The following NUBPL variants were observed in gnomAD, a reference collection of about 807,000 sequenced individuals.
The protein encoded by NUBPL is iron-sulfur cluster transfer protein NUBPL.
Under a neutral mutation model 45.7 loss-of-function variants are expected in NUBPL, and 31 were observed. The observed-to-expected ratio is 0.68, with a 90% CI of 0.51 to 0.92. The LOEUF is 0.92. NUBPL is among the 40% of genes least tolerant of loss of function. NUBPL has a pLI of 0.00. For missense variants in NUBPL, 401 were observed against 398.7 expected, an observed-to-expected ratio of 1.01 and a Z score of -0.05; for synonymous variants, 144 against 140.9, an observed-to-expected ratio of 1.02 and a Z score of -0.15.
chr14:31,656,834 G>C (rs779545397), intron 4 of NUBPL, among the ~76,000 whole-genome samples: 6 of 152,202 alleles, frequency 3.9e-5, no homozygotes, highest in Non-Finnish European at 7.3e-5. Flanking sequence ...CAATAGACTT[G>C]CTCAATGTAG....
chr14:31,849,667 GCT>G, intron 9 of NUBPL, among the ~76,000 whole-genome samples: 1 of 152,264 alleles, frequency 6.6e-6, no homozygotes, highest in South Asian at 2.1e-4. Flanking sequence ...AGTTCTTTGA[GCT>G]CACTCCATTT....
chr14:31,750,261 G>A (rs1182033303), intron 6 of NUBPL, among the ~76,000 whole-genome samples: 6 of 149,836 alleles, frequency 4.0e-5, no homozygotes, highest in South Asian at 2.1e-4. Flanking sequence ...TGCAAGCTCC[G>A]CCTCCCGGGT....
intron 6 of NUBPL, among the ~76,000 whole-genome samples, chr14:31,778,311 AAAAC>A (rs1046918164): frequency 7.2e-5 from 11 of 152,144 alleles, no homozygotes; most frequent in South Asian, 4.1e-4. Flanking sequence ...TGAACAGACA[AAAAC>A]AAACAAACAA....
intron 7 of NUBPL, among the ~76,000 whole-genome samples, chr14:31,798,558 C>T (rs982846421): frequency 5.3e-5 from 8 of 151,116 alleles, no homozygotes; most frequent in South Asian, 2.1e-4. Flanking sequence ...TTTGAGAGGC[C>T]GAGGCGGGTG....
chr14:31,648,542 T>TA (rs1208303222), intron 4 of NUBPL, among the ~76,000 whole-genome samples: 3 of 152,230 alleles, frequency 2.0e-5, no homozygotes, highest in African/African-American at 7.2e-5. Context: ...GTCGTGGTGA[T>TA]ATTACATGTG....
At chr14:31,578,806 T>C (rs2033786981) in intron 3 of NUBPL, among the ~76,000 whole-genome samples, 2 of 152,218 alleles carry the variant, frequency 1.3e-5, no homozygotes, top group African/African-American at 4.8e-5. Flanking sequence ...GGCAGCTTGT[T>C]GTAATTCAGT....
chr14:31,763,428 C>T (rs1401161198), intron 6 of NUBPL, among the ~76,000 whole-genome samples: 1 of 151,942 alleles, frequency 6.6e-6, no homozygotes, highest in Non-Finnish European at 1.5e-5. Flanking sequence ...TGGTTTGTGC[C>T]CAAGTTTTAG....
chr14:31,607,807 A>G (rs1006053991), intron 4 of NUBPL, among the ~76,000 whole-genome samples: 8 of 152,220 alleles, frequency 5.3e-5, no homozygotes, highest in Non-Finnish European at 1.0e-4. Context: ...AGAAAGAGCT[A>G]GAGGTAGAAA....
At chr14:31,806,499 A>G (rs2039689287) in intron 7 of NUBPL, among the ~76,000 whole-genome samples, 1 of 152,222 alleles carries the variant, frequency 6.6e-6, no homozygotes, top group Admixed American at 6.5e-5. Flanking sequence ...GTAGAGCCAT[A>G]TGTGTACAAG....
At chr14:31,801,978 G>A (rs2039599537) in intron 7 of NUBPL, among the ~76,000 whole-genome samples, 1 of 152,182 alleles carries the variant, frequency 6.6e-6, no homozygotes, top group Non-Finnish European at 1.5e-5. Flanking sequence ...CTAACAGTTT[G>A]GTGTGATACC....
chr14:31,726,206 C>A (rs2037920826), intron 6 of NUBPL, among the ~76,000 whole-genome samples: 1 of 152,098 alleles, frequency 6.6e-6, no homozygotes, highest in Non-Finnish European at 1.5e-5. Context: ...ATTTGTACTC[C>A]TTTCCTTCCA....
At chr14:31,650,535 C>G (rs2035974028) in intron 4 of NUBPL, among the ~76,000 whole-genome samples, 1 of 152,154 alleles carries the variant, frequency 6.6e-6, no homozygotes, top group African/African-American at 2.4e-5. Context: ...ATGATCCACC[C>G]ATGTCGGCCT....
intron 3 of NUBPL, among the ~76,000 whole-genome samples, chr14:31,591,011 G>C (rs2139525409): frequency 6.6e-6 from 1 of 151,320 alleles, no homozygotes; most frequent in South Asian, 2.1e-4. Context: ...TCTTGTTAAA[G>C]AAGAAGTTGC....
At chr14:31,781,204 A>G (rs2039185999) in intron 6 of NUBPL, among the ~76,000 whole-genome samples, 1 of 152,244 alleles carries the variant, frequency 6.6e-6, no homozygotes, top group South Asian at 2.1e-4. Context: ...GTGACAATCA[A>G]AAGACTTCAA....
At chr14:31,707,050 G>C (rs1459222922) in intron 6 of NUBPL, among the ~76,000 whole-genome samples, 1 of 152,194 alleles carries the variant, frequency 6.6e-6, no homozygotes, top group African/African-American at 2.4e-5. Context: ...TTTTCTCTTA[G>C]TGAATACCCA....
intron 6 of NUBPL, among the ~76,000 whole-genome samples, chr14:31,751,417 A>AT (rs2038526564): frequency 6.6e-6 from 1 of 152,274 alleles, no homozygotes; most frequent in Admixed American, 6.5e-5. Flanking sequence ...TCTGTTTGAA[A>AT]TGGGAGAAAT....
At chr14:31,775,784 GA>G (rs1566555957) in intron 6 of NUBPL, among the ~76,000 whole-genome samples, 1 of 152,150 alleles carries the variant, frequency 6.6e-6, no homozygotes, top group African/African-American at 2.4e-5. Context: ...CTACCCTGCT[GA>G]AATCCTTTGA....
intron 8 of NUBPL, among the ~76,000 whole-genome samples, chr14:31,840,208 A>T (rs552776212): frequency 6.6e-5 from 10 of 152,286 alleles, no homozygotes; most frequent in African/African-American, 2.2e-4. Context: ...CAACCAACAG[A>T]TGAATGGATT....
chr14:31,785,139 A>G (rs1020087866), intron 6 of NUBPL, among the ~76,000 whole-genome samples: 11 of 152,198 alleles, frequency 7.2e-5, no homozygotes, highest in African/African-American at 2.4e-4. Context: ...AGAGATTCAA[A>G]TAAATTCTTT....
Sources: gnomAD v4.1 joint callset for allele counts (sites outside exome capture counted in the v4.1 genomes callset) on GRCh38, gnomAD v4.1.1 for gene constraint, MANE v1.5 for transcripts, NCBI Gene and HGNC (gene_info 2026-07-23, HGNC 2026-07-21) for gene names.